Variants in PLS3 observed in about 807,000 individuals in gnomAD.
The protein encoded by PLS3 is plastin-3.
In PLS3, 11 loss-of-function variants were observed where a neutral mutation model predicts 46.5. That is an observed-to-expected ratio of 0.24 (90% confidence interval 0.15 to 0.39). PLS3 has a LOEUF of 0.39. Among genes scored for constraint, PLS3 ranks in the 10% least tolerant of loss-of-function variants. The pLI, the probability that PLS3 is intolerant of heterozygous loss-of-function variation, is 1.00. For synonymous variants in PLS3, 167 were observed against 162.2 expected (o/e 1.03, Z -0.22); for missense variants, 308 against 461.8 (o/e 0.67, Z 3.05).
chrX:115,573,798 G>C (rs2074231734), intron 1 of PLS3, among the ~76,000 whole-genome samples: 1 of 110,842 alleles, frequency 9.0e-6, no homozygotes, highest in South Asian at 3.9e-4. Flanking sequence ...CCGCGTCCCA[G>C]GTTCAAGCAA....
At chrX:115,569,087 T>C (rs2074196897) in intron 1 of PLS3, among the ~76,000 whole-genome samples, 1 of 109,906 alleles carries the variant, frequency 9.1e-6, no homozygotes, top group East Asian at 2.8e-4. Flanking sequence ...ATTCTTTATA[T>C]AGTGTATTGT....
chrX:115,630,774 CA>C (rs1161403640), intron 5 of PLS3, among the ~76,000 whole-genome samples: 2 of 90,667 alleles, frequency 2.2e-5, no homozygotes, highest in Non-Finnish European at 4.2e-5. Flanking sequence ...CACATATATA[CA>C]AAATATATAT....
intron 13 of PLS3, among the ~76,000 whole-genome samples, chrX:115,646,746 C>A (rs1297133995): frequency 8.9e-6 from 1 of 112,244 alleles, no homozygotes; most frequent in African/African-American, 3.2e-5. Flanking sequence ...ATGGTTAGTC[C>A]CTTTTTTAAA....
In PLS3 at chrX:115,576,775, G is replaced by T. The variant is rs183364120; in HGVS notation, c.-9+15515G>T. Among the ~76,000 whole-genome samples the T allele has an allele frequency of 2.8e-4, 31 of 111,774 alleles. 1 individual carries two copies. The highest frequency in any genetic ancestry group is 8.8e-4 in the African/African-American group (27 of 30,791). ...TAGGCTTCCCTGAGAAAGGTGGGCT[G>T]GAGTTAAGTCAAAAAAAAGGTGCAA... is the stretch of plus-strand genomic sequence containing the variant. On this transcript the variant is annotated intron_variant, in intron 1 of 15. Transcript: ENST00000355899.
At chrX:115,563,213 T>A (rs184436511) in intron 1 of PLS3, among the ~76,000 whole-genome samples, 2 of 111,925 alleles carry the variant, frequency 1.8e-5, no homozygotes, top group Admixed American at 1.9e-4. Context: ...GTTCCCTATT[T>A]TAGGCAACTA....
intron 1 of PLS3, among the ~76,000 whole-genome samples, chrX:115,588,660 AGG>A (rs1318288359): frequency 9.0e-6 from 1 of 111,073 alleles, no homozygotes; most frequent in African/African-American, 3.3e-5. Context: ...CAAAAAGTTT[AGG>A]AACTGCTGAG....
At chrX:115,596,712 T>C (rs2074392634) in intron 1 of PLS3, among the ~76,000 whole-genome samples, 1 of 110,684 alleles carries the variant, frequency 9.0e-6, no homozygotes, top group African/African-American at 3.3e-5. Context: ...TGGCGCATGC[T>C]TGTAATGCTA....
Position 115,622,383 on chromosome X carries a change from A to G in PLS3, c.211A>G (p.Lys71Glu). The G allele has an allele frequency of 8.4e-7, 1 of 1,188,368 alleles. No individual in the cohort carries two copies. Among genetic ancestry groups the G allele is most frequent in the Non-Finnish European group, 1.1e-6 (1 of 879,162 alleles). The change falls in exon 3 of 16, where the codon AAA (lysine) becomes GAA (glutamate). Residue 71 changes from lysine to glutamate, a missense_variant. By Grantham distance (56) the Lys-to-Glu change is moderately conservative (BLOSUM62 1). Coordinates refer to ENST00000355899, the MANE Select transcript of PLS3 (RefSeq NM_005032.7). ...MLDGDRNKDG[K>E]ISFDEFVYIF... ...GGATGGTGACAGGAATAAAGATGGG[A>G]AAATAAGTTTTGACGAATTTGTTTA... is the stretch of plus-strand genomic sequence containing the variant.
intron 1 of PLS3, among the ~76,000 whole-genome samples, chrX:115,606,144 CTTTCTT>C (rs1569527617): frequency 6.1e-5 from 3 of 48,889 alleles, no homozygotes; most frequent in Admixed American, 2.2e-4. Flanking sequence ...TTTTTTTTTT[CTTTCTT>C]TTTTCTTTTC....
intron 1 of PLS3, among the ~76,000 whole-genome samples, chrX:115,568,867 C>A (rs1386606693): frequency 3.6e-5 from 4 of 111,232 alleles, no homozygotes; most frequent in Non-Finnish European, 7.5e-5. Context: ...AACTCCGTCT[C>A]TACTAAAAAT....
chrX:115,643,375 A>G lies in PLS3; in HGVS notation c.1050A>G (p.Arg350=), dbSNP rs113204501. ...MLQQADKLGC[R]QFVTPADVVS... is the part of the protein sequence containing the mutation. ...AACAAGCAGATAAATTAGGTTGCAG[A>G]CAGTTTGTTACCCCTGCTGATGTTG... The change falls in exon 10 of 16, where the codon AGA becomes AGG. Residue 350 remains arginine (R), a synonymous_variant. Coordinates refer to ENST00000355899, the MANE Select transcript of PLS3 (RefSeq NM_005032.7). 7.8e-5 allele frequency: 92 copies of G among 1,186,780 alleles called. 1 individual carries two copies. In the African/African-American group the frequency reaches 1.3e-3, roughly 16 times the overall value.
chrX:115,631,044 A>ATT (rs1406406706), intron 5 of PLS3, among the ~76,000 whole-genome samples: 2 of 89,367 alleles, frequency 2.2e-5, no homozygotes, highest in African/African-American at 5.3e-5. Flanking sequence ...ATAATATAAC[A>ATT]TTATATATAT....
chrX:115,596,672 C>T, intron 1 of PLS3, among the ~76,000 whole-genome samples: 1 of 110,140 alleles, frequency 9.1e-6, no homozygotes, highest in Non-Finnish European at 1.9e-5. Context: ...CCCCGTCTCT[C>T]CTAAAAGAAT....
chrX:115,585,877 A>C (rs1488245484), intron 1 of PLS3, among the ~76,000 whole-genome samples: 1 of 111,798 alleles, frequency 8.9e-6, no homozygotes, highest in Non-Finnish European at 1.9e-5. Flanking sequence ...CTTAGTTTTT[A>C]ATATTTTAAG....
intron 1 of PLS3, among the ~76,000 whole-genome samples, chrX:115,591,241 C>T (rs782024234): frequency 4.4e-5 from 5 of 112,588 alleles, no homozygotes; most frequent in African/African-American, 1.3e-4. Context: ...ACTTTAACTA[C>T]AATGCTTTGC....
At chrX:115,567,634 G>A (rs887180080) in intron 1 of PLS3, among the ~76,000 whole-genome samples, 3 of 105,366 alleles carry the variant, frequency 2.8e-5, no homozygotes, top group Non-Finnish European at 5.8e-5. Flanking sequence ...AAAAAAAACA[G>A]AAAATGTGGG....
chrX:115,620,506 A>G (rs2074638166), intron 2 of PLS3, among the ~76,000 whole-genome samples: 1 of 109,371 alleles, frequency 9.1e-6, no homozygotes, highest in Non-Finnish European at 1.9e-5. Flanking sequence ...CAACTTCAGC[A>G]CAATTGACAT....
chrX:115,646,378 C>T (rs782348129), intron 12 of PLS3, 24 bp from the exon 13 acceptor site: 21 of 1,202,219 alleles, frequency 1.7e-5, no homozygotes, highest in Non-Finnish European at 2.3e-5. Context: ...AAGTCTTTAA[C>T]CATTTACTCT....
At chrX:115,618,594 CT>C (rs1399874561) in intron 2 of PLS3, among the ~76,000 whole-genome samples, 1 of 108,599 alleles carries the variant, frequency 9.2e-6, no homozygotes, top group African/African-American at 3.4e-5. Flanking sequence ...TCTAAAGATA[CT>C]TTTTTAAATT....
Sources: gnomAD v4.1 joint callset for allele counts (sites outside exome capture counted in the v4.1 genomes callset) on GRCh38, gnomAD v4.1.1 for gene constraint, MANE v1.5 for transcripts, NCBI Gene and HGNC (gene_info 2026-07-23, HGNC 2026-07-21) for gene names.